Variants in MED13L observed in about 807,000 individuals in gnomAD.
MED13L encodes the protein mediator of RNA polymerase II transcription subunit 13-like.
MED13L carries 7 observed loss-of-function variants against 220.9 expected under a neutral mutation model. The ratio of observed to expected loss-of-function variants is 0.03; its 90% CI spans 0.02 to 0.06. The LOEUF is 0.06. Ranked by LOEUF, MED13L falls within the 10% of genes least tolerant of loss-of-function variation. The pLI is 1.00. For missense variants in MED13L, 1,965 were observed against 2,760.5 expected, an observed-to-expected ratio of 0.71 and a Z score of 6.46; for synonymous variants, 1,011 against 1,015.2, an observed-to-expected ratio of 1.00 and a Z score of 0.08.
chr12:115,978,220 T>C (rs967095209), intron 23 of MED13L, among the ~76,000 whole-genome samples: 2 of 152,032 alleles, frequency 1.3e-5, no homozygotes, highest in East Asian at 1.9e-4. Flanking sequence ...CTAATGAATA[T>C]TGTGTTTCTT....
chr12:115,992,795 C>G (rs909755201), intron 16 of MED13L, among the ~76,000 whole-genome samples: 5 of 152,164 alleles, frequency 3.3e-5, no homozygotes, highest in Admixed American at 2.6e-4. Flanking sequence ...TTTAGTTGCC[C>G]AAGACTGACT....
chr12:116,009,266 A>G (rs908314567), intron 9 of MED13L, 134 bp from the exon 10 acceptor site: 6 of 821,236 alleles, frequency 7.3e-6, no homozygotes, highest in East Asian at 2.7e-5. Context: ...TTATACTTAT[A>G]TAACTAAAAA....
At chr12:116,267,243 C>A (rs1872901144) in intron 1 of MED13L, among the ~76,000 whole-genome samples, 1 of 152,140 alleles carries the variant, frequency 6.6e-6, no homozygotes, top group Non-Finnish European at 1.5e-5. Context: ...AACTGTGAAT[C>A]ATATATGGTT....
intron 4 of MED13L, among the ~76,000 whole-genome samples, chr12:116,089,389 A>T (rs1421777331): frequency 6.6e-6 from 1 of 152,166 alleles, no homozygotes; most frequent in Non-Finnish European, 1.5e-5. Flanking sequence ...TAATAATATA[A>T]ACCAGAAACT....
chr12:116,038,732 C>T (rs1431448918), intron 4 of MED13L, among the ~76,000 whole-genome samples: 1 of 83,040 alleles, frequency 1.2e-5, no homozygotes, highest in East Asian at 4.6e-4. Flanking sequence ...TTTACCTATG[C>T]GGTCAAAAGG....
intron 2 of MED13L, among the ~76,000 whole-genome samples, chr12:116,231,442 G>T (rs972482019): frequency 2.6e-5 from 4 of 152,040 alleles, no homozygotes; most frequent in African/African-American, 7.2e-5. Context: ...TTCAAAATGT[G>T]GGATATTTTA....
chr12:116,177,277 G>A (rs1880144974), intron 2 of MED13L, among the ~76,000 whole-genome samples: 1 of 152,156 alleles, frequency 6.6e-6, no homozygotes, highest in Admixed American at 6.5e-5. Context: ...ATTATCGTAA[G>A]TTAGTTTTGT....
At position 116,139,686 on chromosome 12, in the gene MED13L, G is replaced by A. The variant is rs1009851862; in HGVS notation, c.311-28174C>T. Reference sequence around the variant, plus strand: ...AAACGGTATTAACAATATGCTTGCTGAGTGTGCTTTAAATATTTGCTGGAT... The same window carrying A: ...AAACGGTATTAACAATATGCTTGCTAAGTGTGCTTTAAATATTTGCTGGAT... On this transcript the variant is annotated intron_variant, in intron 2 of 30. Transcript: ENST00000281928. 2.6e-5 allele frequency among the ~76,000 whole-genome samples: 4 copies of A among 152,188 alleles called. No individual in the cohort carries two copies. In the East Asian group the frequency reaches 7.7e-4, roughly 29 times the overall value.
Position 116,074,938 on chromosome 12 carries a change from T to C in MED13L, c.479+21731A>G, listed in dbSNP as rs12823165. Among the ~76,000 whole-genome samples the C allele has an allele frequency of 2.6e-5, 4 of 152,378 alleles. No homozygotes were observed. In the East Asian group the frequency reaches 7.7e-4, roughly 29 times the overall value. ...TATTTAAATACCCTGCTTAGAGCTT[T>C]ATTGCGCAAGCAAGGTTCATTTAAA... On this transcript the variant is annotated intron_variant, in intron 4 of 30. Coordinates refer to ENST00000281928, the MANE Select transcript of MED13L (RefSeq NM_015335.5).
At chr12:116,029,522 A>G (rs1333798849) in intron 4 of MED13L, among the ~76,000 whole-genome samples, 1 of 152,180 alleles carries the variant, frequency 6.6e-6, no homozygotes, top group African/African-American at 2.4e-5. Context: ...AAAGGCATGC[A>G]AAGTAAAATT....
At chr12:116,130,164 T>G (rs182774701) in intron 2 of MED13L, among the ~76,000 whole-genome samples, 2 of 152,280 alleles carry the variant, frequency 1.3e-5, no homozygotes, top group South Asian at 2.1e-4. Context: ...AATCATACTC[T>G]CCTTTGAAAG....
At chr12:116,137,139 C>A (rs762254398) in intron 2 of MED13L, among the ~76,000 whole-genome samples, 7 of 152,132 alleles carry the variant, frequency 4.6e-5, no homozygotes, top group Non-Finnish European at 1.0e-4. Context: ...CTCTAAACTA[C>A]CAGATATTGT....
chr12:116,247,437 A>C (rs944611333), intron 1 of MED13L, among the ~76,000 whole-genome samples: 3 of 152,190 alleles, frequency 2.0e-5, no homozygotes, highest in South Asian at 2.1e-4. Context: ...GTTGTTGTTG[A>C]CTGTTTCTTT....
chr12:116,257,269 T>C (rs971033705), intron 1 of MED13L, among the ~76,000 whole-genome samples: 1 of 152,194 alleles, frequency 6.6e-6, no homozygotes, highest in Non-Finnish European at 1.5e-5. Context: ...GCAGGCACTG[T>C]CTACACAAAC....
At chr12:116,107,565 T>C (rs969686186) in intron 3 of MED13L, among the ~76,000 whole-genome samples, 4 of 152,222 alleles carry the variant, frequency 2.6e-5, no homozygotes, top group African/African-American at 9.6e-5. Context: ...ACAATAGAAA[T>C]TGCAGCCTTT....
intron 2 of MED13L, among the ~76,000 whole-genome samples, chr12:116,189,692 A>G (rs1193196281): frequency 6.6e-6 from 1 of 152,216 alleles, no homozygotes; most frequent in Non-Finnish European, 1.5e-5. Context: ...TGTTTGGACT[A>G]TGGATGTGCA....
chr12:116,104,540 C>G (rs1873387838), intron 3 of MED13L, among the ~76,000 whole-genome samples: 1 of 152,198 alleles, frequency 6.6e-6, no homozygotes, highest in African/African-American at 2.4e-5. Context: ...GTGTTATAAA[C>G]TACCATGGGG....
intron 2 of MED13L, among the ~76,000 whole-genome samples, chr12:116,231,693 G>A (rs781033755): frequency 2.0e-5 from 3 of 152,110 alleles, no homozygotes; most frequent in Non-Finnish European, 1.5e-5. Flanking sequence ...CATGCCAAAA[G>A]TGCTCTGGTT....
intron 4 of MED13L, among the ~76,000 whole-genome samples, chr12:116,081,446 G>A (rs1367450641): frequency 6.6e-6 from 1 of 152,124 alleles, no homozygotes. Context: ...GTACTTTGGA[G>A]GAATGTATGT....
Sources: allele counts gnomAD v4.1 joint callset (sites outside exome capture counted in the v4.1 genomes callset), GRCh38; gene constraint gnomAD v4.1.1; transcripts MANE v1.5; gene names NCBI Gene and HGNC (gene_info 2026-07-23, HGNC 2026-07-21).